RMDN2: variants seen among roughly 807,000 people sequenced by gnomAD.
The protein encoded by RMDN2 is regulator of microtubule dynamics 2.
Under a neutral mutation model 52.8 loss-of-function variants are expected in RMDN2, and 61 were observed. That is an observed-to-expected ratio of 1.16 (90% CI 0.94 to 1.43). The LOEUF is 1.43. RMDN2 is among the 40% of genes most tolerant of loss of function. RMDN2 has a pLI of 0.00. For missense variants in RMDN2, 592 were observed against 475.3 expected, an observed-to-expected ratio of 1.25 and a Z score of -2.28; for synonymous variants, 180 against 153.1, an observed-to-expected ratio of 1.18 and a Z score of -1.30.
intron 2 of RMDN2, among the ~76,000 whole-genome samples, chr2:37,966,986 A>G (rs1671138943): frequency 6.6e-6 from 1 of 152,204 alleles, no homozygotes; most frequent in African/African-American, 2.4e-5. Flanking sequence ...CTTGGGTGGA[A>G]GAATGGTGAA....
intron 10 of RMDN2, among the ~76,000 whole-genome samples, chr2:38,011,210 G>A (rs1176871661): frequency 6.6e-6 from 1 of 152,212 alleles, no homozygotes; most frequent in Non-Finnish European, 1.5e-5. Flanking sequence ...TGAAAAATAT[G>A]TAATAACATG....
intron 2 of RMDN2, among the ~76,000 whole-genome samples, chr2:37,932,035 A>T (rs913378484): frequency 6.6e-6 from 1 of 152,148 alleles, no homozygotes; most frequent in Admixed American, 6.5e-5. Flanking sequence ...AAGGAATAAG[A>T]TACAAAAAAT....
chr2:38,010,052 G>A (rs944079469), intron 10 of RMDN2, among the ~76,000 whole-genome samples: 13 of 152,142 alleles, frequency 8.5e-5, no homozygotes, highest in African/African-American at 3.1e-4. Flanking sequence ...AAATGTTGCT[G>A]CCTGATCGTT....
At chr2:37,991,485 A>G (rs1007971507) in intron 7 of RMDN2, among the ~76,000 whole-genome samples, 188 bp downstream of exon 7, 1 of 151,918 alleles carries the variant, frequency 6.6e-6, no homozygotes, top group Admixed American at 6.6e-5. Context: ...TTTATACATT[A>G]TAATTTTAAA....
At chr2:38,050,472 A>G (rs537630149) in intron 10 of RMDN2, among the ~76,000 whole-genome samples, 2 of 152,246 alleles carry the variant, frequency 1.3e-5, no homozygotes, top group East Asian at 1.9e-4. Context: ...ATATTTTTTC[A>G]GGTCCCAGAC....
intron 10 of RMDN2, among the ~76,000 whole-genome samples, chr2:38,044,289 C>G (rs1681138827): frequency 6.6e-6 from 1 of 151,838 alleles, no homozygotes; most frequent in African/African-American, 2.4e-5. Context: ...TATTTAGTTC[C>G]TCTGAATTCT....
intron 10 of RMDN2, chr2:38,012,755 C>T (rs545579877): frequency 6.2e-4 from 194 of 313,362 alleles, no homozygotes; most frequent in Non-Finnish European, 4.8e-4. Context: ...TTGAAATATA[C>T]CCCATTAGTG....
rs1666554314 is a variant in RMDN2, at chr2:37,929,565, TAAAG to T, written c.291_294del (p.Glu98LeufsTer17). The T allele has an allele frequency of 6.4e-7, 1 of 1,551,860 alleles. No individual in the cohort carries two copies. On this transcript the variant is annotated frameshift_variant, in exon 2 of 11. Transcript: ENST00000354545. LOFTEE classifies it high-confidence loss of function. ...AACTCAAAGAGGAAATCAGATTTCT[TAAAG>T]AAGCTATTCCAAAGCTGGAGGAATA...
At chr2:38,051,399 G>GT (rs1230091767) in intron 10 of RMDN2, among the ~76,000 whole-genome samples, 4 of 151,964 alleles carry the variant, frequency 2.6e-5, no homozygotes, top group African/African-American at 9.7e-5. Flanking sequence ...TCTTTTTTTA[G>GT]TTTTTTATCT....
At chr2:38,021,315 C>A (rs1489771981), downstream of RMDN2, among the ~76,000 whole-genome samples, 1 of 152,188 alleles carries the variant, frequency 6.6e-6, no homozygotes, top group African/African-American at 2.4e-5. Flanking sequence ...GAGCAATCAG[C>A]AGGATGTGGG....
chr2:37,995,322 GACTACTACTACTACTACTACTACTACT>G (rs3056282), intron 7 of RMDN2, among the ~76,000 whole-genome samples: 1 of 147,156 alleles, frequency 6.8e-6, no homozygotes, highest in Non-Finnish European at 1.5e-5. Flanking sequence ...AAGAGGGGAT[GACTACTACTACTACTACTACTACTACT>G]ACTACTACTA....
chr2:37,991,379 T>C, intron 7 of RMDN2, 82 bp downstream of exon 7: 2 of 632,500 alleles, frequency 3.2e-6, no homozygotes, highest in South Asian at 4.6e-5. Flanking sequence ...TATTGTTTTA[T>C]TTTTACCCAG....
chr2:38,046,455 A>C (rs1033978634), intron 10 of RMDN2, among the ~76,000 whole-genome samples: 1 of 152,208 alleles, frequency 6.6e-6, no homozygotes, highest in Non-Finnish European at 1.5e-5. Flanking sequence ...TATCTGATGA[A>C]ATAATGACTA....
chr2:37,926,317 T>C (rs542003780), intron 1 of RMDN2, among the ~76,000 whole-genome samples: 2 of 152,364 alleles, frequency 1.3e-5, no homozygotes, highest in Non-Finnish European at 2.9e-5. Context: ...AACTAGAACA[T>C]GGAAATGAAA....
intron 10 of RMDN2, among the ~76,000 whole-genome samples, chr2:38,028,587 G>T (rs1679950954): frequency 6.6e-6 from 1 of 152,076 alleles, no homozygotes; most frequent in African/African-American, 2.4e-5. Flanking sequence ...TTCCCAGGGT[G>T]AGCCCTCCAA....
chr2:37,933,873 A>T (rs1180958015), intron 2 of RMDN2, among the ~76,000 whole-genome samples: 1 of 152,218 alleles, frequency 6.6e-6, no homozygotes, highest in Non-Finnish European at 1.5e-5. Flanking sequence ...CTCACTTTTT[A>T]AATAAATAAA....
At chr2:37,930,333 T>G (rs943795920) in intron 2 of RMDN2, among the ~76,000 whole-genome samples, 3 of 152,252 alleles carry the variant, frequency 2.0e-5, no homozygotes, top group African/African-American at 7.2e-5. Flanking sequence ...TTGCATGGGT[T>G]AATCCAGTGG....
At chr2:37,999,289 C>T (rs1675995758) in intron 8 of RMDN2, among the ~76,000 whole-genome samples, 1 of 152,100 alleles carries the variant, frequency 6.6e-6, no homozygotes, top group Admixed American at 6.5e-5. Flanking sequence ...CTCTCAGTTT[C>T]ATCAATAACA....
intron 8 of RMDN2, among the ~76,000 whole-genome samples, chr2:38,003,413 C>T (rs991803082): frequency 6.6e-6 from 1 of 152,070 alleles, no homozygotes; most frequent in Non-Finnish European, 1.5e-5. Flanking sequence ...ATTAGCCAGG[C>T]ATGGTGGCAG....
Sources: gnomAD v4.1 joint callset for allele counts (sites outside exome capture counted in the v4.1 genomes callset) on GRCh38, gnomAD v4.1.1 for gene constraint, MANE v1.5 for transcripts, NCBI Gene and HGNC (gene_info 2026-07-23, HGNC 2026-07-21) for gene names.